Variants in NACC2 observed in about 807,000 individuals in gnomAD.
NACC2 encodes the protein nucleus accumbens-associated protein 2.
Under a neutral mutation model 25.1 loss-of-function variants are expected in NACC2, and 8 were observed. The ratio of observed to expected loss-of-function variants is 0.32; its 90% CI spans 0.19 to 0.57. NACC2 has a LOEUF of 0.57. NACC2 is among the 20% of genes least tolerant of loss of function. The probability of loss-of-function intolerance (pLI) is 0.89; values close to 1 mark genes in which losing one functional copy is unlikely to be tolerated. For synonymous variants in NACC2, 435 were observed against 294.7 expected (o/e 1.48, Z -4.88); for missense variants, 644 against 650.2 (o/e 0.99, Z 0.10).
chr9:136,033,940 T>TGTGTGAGA (rs1491487263), intron 2 of NACC2, among the ~76,000 whole-genome samples: 1 of 144,672 alleles, frequency 6.9e-6, no homozygotes, highest in African/African-American at 2.6e-5. Context: ...TGTGTGTGTG[T>TGTGTGAGA]GAGATATTTG....
intron 1 of NACC2, among the ~76,000 whole-genome samples, chr9:136,089,852 G>A (rs1330590324): frequency 2.0e-5 from 3 of 150,876 alleles, no homozygotes; most frequent in South Asian, 2.1e-4. Context: ...AATAAGAATA[G>A]CCAAAGTTAA....
chr9:136,038,350 A>T (rs1285130764), intron 2 of NACC2, among the ~76,000 whole-genome samples: 1 of 152,154 alleles, frequency 6.6e-6, no homozygotes, highest in East Asian at 1.9e-4. Context: ...AGCCTGGGCA[A>T]CGTGCTGAAA....
chr9:136,094,996 G>A (rs1830474675), intron 1 of NACC2, among the ~76,000 whole-genome samples, 193 bp downstream of exon 1: 1 of 146,130 alleles, frequency 6.8e-6, no homozygotes, highest in Admixed American at 6.8e-5. Flanking sequence ...GGCTCCCGAG[G>A]CCGGTTCCCG....
chr9:136,094,695 G>A (rs1332319014), intron 1 of NACC2, among the ~76,000 whole-genome samples: 4 of 152,080 alleles, frequency 2.6e-5, no homozygotes, highest in Middle Eastern at 3.4e-3. Context: ...GCGAGGCGCG[G>A]GCCCGGCTGG....
chr9:136,044,831 G>A (rs1004543520), intron 2 of NACC2, among the ~76,000 whole-genome samples: 2 of 152,196 alleles, frequency 1.3e-5, no homozygotes, highest in African/African-American at 4.8e-5. Flanking sequence ...CTGCAACGGA[G>A]ACCACCCTAG....
chr9:136,019,224 C>G lies in NACC2; in HGVS notation c.887-2795G>C, dbSNP rs1840249173. 6.6e-6 allele frequency: 1 copy of G among 151,942 alleles called. No individual in the cohort carries two copies. Among genetic ancestry groups the G allele is most frequent in the African/African-American group, 2.4e-5 (1 of 41,442 alleles). 9.4% of individuals were successfully genotyped at this position (151,942 alleles called of 1,614,324 possible). ...CTACAACTGGGCTTTAACGGAGAACCCGCAGAGAGACTTGTTCATGGCAGA... is the reference window on the plus strand; with the variant it reads ...CTACAACTGGGCTTTAACGGAGAACGCGCAGAGAGACTTGTTCATGGCAGA... On this transcript the variant is annotated intron_variant, in intron 2 of 5. Transcript: ENST00000277554. This position sits in a 1 kb window ranked among gnomAD's most constrained non-coding sequence, Gnocchi z 5.2.
intron 1 of NACC2, among the ~76,000 whole-genome samples, chr9:136,088,515 C>T (rs375648026): frequency 1.3e-5 from 2 of 152,140 alleles, no homozygotes; most frequent in Non-Finnish European, 2.9e-5. Flanking sequence ...TGGCCCAGTC[C>T]GTGGCCAGGG....
At chr9:136,087,549 C>CG in intron 1 of NACC2, among the ~76,000 whole-genome samples, 1 of 152,344 alleles carries the variant, frequency 6.6e-6, no homozygotes, top group South Asian at 2.1e-4. Flanking sequence ...GGAAGGGCCC[C>CG]GCAGCTTCTG....
chr9:136,009,562 G>C lies in NACC2; in HGVS notation c.*1954C>G, dbSNP rs907470404. On this transcript the variant is annotated 3_prime_UTR_variant, in exon 6 of 6. Coordinates refer to ENST00000277554, the MANE Select transcript of NACC2 (RefSeq NM_144653.5). ...AGCAACGTATTTTTCTGGAGGGCAG[G>C]CATGTGCTGGGCCTGGCTGGAGGCA... 6.6e-6 allele frequency: 1 copy of C among 152,344 alleles called. No homozygotes were observed. Among genetic ancestry groups the C allele is most frequent in the African/African-American group, 2.4e-5 (1 of 41,464 alleles). The allele number at this position is 152,344 out of a possible 1,614,324, so 9.4% of individuals were successfully genotyped here. A position where few individuals can be genotyped will look rare whatever the true frequency, so the allele number is the denominator to read the frequency against.
rs955496250 is a variant in NACC2 at position 136,018,055 on chromosome 9, G to C, written c.887-1626C>G. 1.3e-5 allele frequency among the ~76,000 whole-genome samples: 2 copies of C among 152,160 alleles called. No individual in the cohort carries two copies. The highest frequency in any genetic ancestry group is 1.3e-4 in the Admixed American group (2 of 15,292). ...CAGCTTGCAGGACCTGCTGGTCTCA[G>C]CTGTGCAGAGGGAGGGGTGGGGTGG... is the stretch of plus-strand genomic sequence containing the variant. On this transcript the variant is annotated intron_variant, in intron 2 of 5. Transcript: ENST00000277554. This position sits in a 1 kb window ranked among gnomAD's most constrained non-coding sequence, Gnocchi z 4.4.
At chr9:136,067,543 ACGAT>A (rs1435243752) in intron 1 of NACC2, among the ~76,000 whole-genome samples, 1 of 152,138 alleles carries the variant, frequency 6.6e-6, no homozygotes, top group Non-Finnish European at 1.5e-5. Flanking sequence ...ATGCACTTAA[ACGAT>A]GCTCGATGGG....
At chr9:136,070,444 T>G (rs1385257709) in intron 1 of NACC2, among the ~76,000 whole-genome samples, 4 of 150,668 alleles carry the variant, frequency 2.7e-5, no homozygotes, top group African/African-American at 9.8e-5. Context: ...GAAGCGGAGG[T>G]TGCAGTGAGC....
In NACC2 at chr9:136,011,078, T is replaced by G; in HGVS notation, c.*438A>C. On this transcript the variant is annotated 3_prime_UTR_variant, in exon 6 of 6. Coordinates refer to ENST00000277554, the MANE Select transcript of NACC2 (RefSeq NM_144653.5). ...GCCCCGTCGCCCCAGAGAGGTTCCA[T>G]GGGGAAGGAAGGAAGGGTCAGTGAC... 6.5e-6 allele frequency: 1 copy of G among 153,120 alleles called. No individual in the cohort carries two copies. Among genetic ancestry groups the G allele is most frequent in the African/African-American group, 2.4e-5 (1 of 41,508 alleles). The allele number at this position is 153,120 out of a possible 1,614,324, so 9.5% of individuals were successfully genotyped here. A position where few individuals can be genotyped will look rare whatever the true frequency, so the allele number is the denominator to read the frequency against.
chr9:136,067,378 A>T (rs1841097733), intron 1 of NACC2, among the ~76,000 whole-genome samples: 1 of 152,110 alleles, frequency 6.6e-6, no homozygotes, highest in African/African-American at 2.4e-5. Context: ...GGAGTGATGA[A>T]GATGTTCTAA....
chr9:136,044,466 G>A (rs1173087384), intron 2 of NACC2, among the ~76,000 whole-genome samples: 2 of 152,034 alleles, frequency 1.3e-5, no homozygotes, highest in African/African-American at 4.8e-5. Context: ...CTTCACCCCC[G>A]ACCCCTGCAG....
chr9:136,031,375 T>C (rs560629263), intron 2 of NACC2, among the ~76,000 whole-genome samples: 1 of 144,360 alleles, frequency 6.9e-6, no homozygotes, highest in Admixed American at 7.0e-5. Context: ...TCTTGCTCCA[T>C]CACCCAGGCT....
At chr9:136,060,959 G>A (rs1421048078) in intron 1 of NACC2, among the ~76,000 whole-genome samples, 3 of 152,202 alleles carry the variant, frequency 2.0e-5, no homozygotes, top group Admixed American at 1.3e-4. Flanking sequence ...GGGGAGGGGA[G>A]GGTGTCACCC....
chr9:136,010,365 C>T lies in NACC2; in HGVS notation c.*1151G>A, dbSNP rs898847937. 1 of 153,258 alleles carries T rather than the reference C, an allele frequency of 6.5e-6. No homozygotes were observed. The highest frequency in any genetic ancestry group is 6.5e-5 in the Admixed American group (1 of 15,288). The allele number at this position is 153,258 out of a possible 1,614,324, so 9.5% of individuals were successfully genotyped here. A position where few individuals can be genotyped will look rare whatever the true frequency, so the allele number is the denominator to read the frequency against. On this transcript the variant is annotated 3_prime_UTR_variant, in exon 6 of 6. Coordinates refer to ENST00000277554, the MANE Select transcript of NACC2 (RefSeq NM_144653.5). The surrounding 1 kb of genome is among the most constrained non-coding windows in gnomAD (Gnocchi z 4.9). ...GACCGACTCTCGCCCTGGCCCAGCCCTGGCCGCTGCCTCCTGCCCGAGCGG... is the reference window on the plus strand; with the variant it reads ...GACCGACTCTCGCCCTGGCCCAGCCTTGGCCGCTGCCTCCTGCCCGAGCGG...
chr9:136,067,392 T>C (rs116563169), intron 1 of NACC2, among the ~76,000 whole-genome samples: 2,491 of 152,194 alleles, frequency 0.016, 62 homozygotes, highest in African/African-American at 0.057. Context: ...GTTCTAAAAT[T>C]CACGATGGTA....
Sources: allele counts gnomAD v4.1 joint callset (sites outside exome capture counted in the v4.1 genomes callset), GRCh38; gene constraint gnomAD v4.1.1; non-coding constraint Gnocchi (gnomAD v3.1); transcripts MANE v1.5; gene names NCBI Gene and HGNC (gene_info 2026-07-23, HGNC 2026-07-21).